Variants in ABCB5 observed in about 807,000 individuals in gnomAD.
ABCB5 encodes the protein ATP-binding cassette sub-family B member 5.
A neutral mutation model predicts 144.2 loss-of-function variants in ABCB5; 155 were observed. The observed-to-expected ratio is 1.08, with a 90% CI of 0.94 to 1.23. ABCB5 has a LOEUF of 1.23. Among genes scored for constraint, ABCB5 ranks in the 50% most tolerant of loss-of-function variants. The pLI, the probability that ABCB5 is intolerant of heterozygous loss-of-function variation, is 0.00. For missense variants in ABCB5, 1,830 were observed against 1,520.8 expected, an observed-to-expected ratio of 1.20 and a Z score of -3.38; for synonymous variants, 610 against 528.6, an observed-to-expected ratio of 1.15 and a Z score of -2.11.
intron 14 of ABCB5, among the ~76,000 whole-genome samples, chr7:20,668,568 G>C (rs1785309348): frequency 6.7e-6 from 1 of 150,214 alleles, no homozygotes; most frequent in Non-Finnish European, 1.5e-5. Context: ...CCGCCCGGCA[G>C]CCACCCCGTC....
rs148148085 is a variant in ABCB5 at position 20,735,011 on chromosome 7, TC to T, written c.2868-3970del. 5.3e-3 allele frequency among the ~76,000 whole-genome samples: 805 copies of T among 152,342 alleles called. 10 individuals carry two copies. The highest frequency in any genetic ancestry group is 0.018 in the African/African-American group (762 of 41,576). Reference sequence around the variant, plus strand: ...TTTTGCAATACCGACCAAGAACCATTCCTAATCAGGAGAGGTTTCTGTAGCC... The same window carrying T: ...TTTTGCAATACCGACCAAGAACCATTCTAATCAGGAGAGGTTTCTGTAGCC... On this transcript the variant is annotated intron_variant, in intron 23 of 27. Transcript: ENST00000404938.
intron 20 of ABCB5, among the ~76,000 whole-genome samples, chr7:20,707,428 G>C (rs1027973685): frequency 6.6e-6 from 1 of 152,194 alleles, no homozygotes; most frequent in Non-Finnish European, 1.5e-5. Context: ...CCTATTGCCA[G>C]TACATCTGTC....
chr7:20,632,453 A>G (rs866120745), intron 5 of ABCB5, among the ~76,000 whole-genome samples: 2 of 152,178 alleles, frequency 1.3e-5, no homozygotes, highest in African/African-American at 2.4e-5. Flanking sequence ...TATATTTCTT[A>G]TGAGCCTCAT....
chr7:20,749,547 A>G (rs1388432426), intron 26 of ABCB5, among the ~76,000 whole-genome samples: 1 of 151,574 alleles, frequency 6.6e-6, no homozygotes, highest in African/African-American at 2.4e-5. Flanking sequence ...CCCAACATCC[A>G]TGCATTTAGT....
At chr7:20,647,931 CT>C in intron 10 of ABCB5, 36 bp from the exon 11 acceptor site, 5 of 1,350,122 alleles carry the variant, frequency 3.7e-6, no homozygotes, top group Non-Finnish European at 5.3e-6. Context: ...CAGTTTACTC[CT>C]TTGAAGATTT....
chr7:20,659,358 C>G (rs1784922526), intron 14 of ABCB5: 3 of 1,266,162 alleles, frequency 2.4e-6, no homozygotes, highest in Non-Finnish European at 3.0e-6. Flanking sequence ...CTTAATGGCA[C>G]ATTTTACTTT....
intron 14 of ABCB5, among the ~76,000 whole-genome samples, chr7:20,671,767 G>T (rs1269062283): frequency 6.6e-6 from 1 of 152,214 alleles, no homozygotes; most frequent in African/African-American, 2.4e-5. Flanking sequence ...GGATATTACA[G>T]ATAAAGCTGT....
chr7:20,681,046 TTCTCTCTCTCTC>T (rs1284240190), intron 14 of ABCB5, among the ~76,000 whole-genome samples: 40 of 20,420 alleles, frequency 2.0e-3, no homozygotes, highest in African/African-American at 4.4e-3. Context: ...CTTTCTTTCT[TTCTCTCTCTCTC>T]TCTTTCTTTC....
At chr7:20,704,473 T>A (rs1429199108) in intron 19 of ABCB5, among the ~76,000 whole-genome samples, 1 of 152,212 alleles carries the variant, frequency 6.6e-6, no homozygotes, top group Non-Finnish European at 1.5e-5. Flanking sequence ...TAATTCAACA[T>A]TGATTATTAT....
chr7:20,686,068 G>T (rs938325130), intron 16 of ABCB5, among the ~76,000 whole-genome samples: 4 of 152,102 alleles, frequency 2.6e-5, no homozygotes, highest in African/African-American at 9.7e-5. Flanking sequence ...AAAAAATCTC[G>T]TGAGACTGTT....
At chr7:20,674,692 A>G (rs1419376706) in intron 14 of ABCB5, among the ~76,000 whole-genome samples, 4 of 151,542 alleles carry the variant, frequency 2.6e-5, no homozygotes, top group Non-Finnish European at 5.9e-5. Flanking sequence ...AGTGTCAAAT[A>G]AGAAAAAAAA....
At chr7:20,735,723 G>C (rs1323585999) in intron 23 of ABCB5, among the ~76,000 whole-genome samples, 1 of 152,174 alleles carries the variant, frequency 6.6e-6, no homozygotes, top group African/African-American at 2.4e-5. Flanking sequence ...CAACATGTAG[G>C]AAAAGACCAT....
intron 20 of ABCB5, among the ~76,000 whole-genome samples, chr7:20,722,704 C>T (rs1253229755): frequency 6.6e-6 from 1 of 152,056 alleles, no homozygotes; most frequent in Non-Finnish European, 1.5e-5. Context: ...TGCCTGTAAT[C>T]CCAGCTGCTC....
At chr7:20,676,111 G>T (rs1248019090) in intron 14 of ABCB5, among the ~76,000 whole-genome samples, 5 of 150,842 alleles carry the variant, frequency 3.3e-5, no homozygotes, top group Non-Finnish European at 7.4e-5. Context: ...CAGTATGGAG[G>T]TTCCAGAAAT....
At chr7:20,738,454 T>C (rs1353068636) in intron 23 of ABCB5, among the ~76,000 whole-genome samples, 1 of 152,224 alleles carries the variant, frequency 6.6e-6, no homozygotes, top group African/African-American at 2.4e-5. Flanking sequence ...GATTTTGCTT[T>C]GGGAACCTGA....
intron 14 of ABCB5, among the ~76,000 whole-genome samples, chr7:20,672,956 C>A (rs1785496437): frequency 6.6e-6 from 1 of 152,048 alleles, no homozygotes; most frequent in South Asian, 2.1e-4. Flanking sequence ...ATTTTTATTT[C>A]TTTTCTTCCA....
intron 18 of ABCB5, 22 bp downstream of exon 18, chr7:20,699,951 C>T (rs372721654): frequency 3.4e-5 from 55 of 1,600,972 alleles, no homozygotes; most frequent in Non-Finnish European, 4.4e-5. Flanking sequence ...ATAAACAAGC[C>T]TGAGCATGAT....
At chr7:20,658,929 C>T in intron 14 of ABCB5, 1 of 1,033,182 alleles carries the variant, frequency 9.7e-7, no homozygotes, top group South Asian at 1.3e-5. Flanking sequence ...CAGTCTATAC[C>T]TCCATTCCAA....
intron 26 of ABCB5, among the ~76,000 whole-genome samples, chr7:20,749,990 A>C (rs904961581): frequency 2.6e-5 from 4 of 152,238 alleles, no homozygotes; most frequent in African/African-American, 7.2e-5. Flanking sequence ...TGTAAAGGTA[A>C]AAAGCTGGCA....
Sources: allele counts gnomAD v4.1 joint callset (sites outside exome capture counted in the v4.1 genomes callset), GRCh38; gene constraint gnomAD v4.1.1; transcripts MANE v1.5; gene names NCBI Gene and HGNC (gene_info 2026-07-23, HGNC 2026-07-21).